The following TBCD variants were observed in gnomAD, a reference collection of about 807,000 sequenced individuals.
TBCD encodes tubulin folding cofactor D.
A neutral mutation model predicts 169.3 loss-of-function variants in TBCD; 105 were observed. That is an observed-to-expected ratio of 0.62 (90% CI 0.53 to 0.73). The LOEUF (loss-of-function observed/expected upper bound fraction) is 0.73, where lower values mean the gene tolerates loss of function less well. Ranked by LOEUF, TBCD falls within the 30% of genes least tolerant of loss-of-function variation. The pLI is 0.00. For missense variants in TBCD, 1,444 were observed against 1,600.1 expected (o/e 0.90, Z 1.66); for synonymous variants, 700 against 643.9 (o/e 1.09, Z -1.32).
intron 1 of TBCD, among the ~76,000 whole-genome samples, chr17:82,755,591 G>T (rs1475196895): frequency 1.3e-5 from 2 of 152,124 alleles, no homozygotes; most frequent in Non-Finnish European, 2.9e-5. Context: ...GAATTCCAAC[G>T]AGAGGAGGGT....
At chr17:82,777,259 A>G (rs1226203704) in intron 6 of TBCD, among the ~76,000 whole-genome samples, 1 of 152,148 alleles carries the variant, frequency 6.6e-6, no homozygotes, top group African/African-American at 2.4e-5. Context: ...CGCCCTTCCC[A>G]GTAGGTAACC....
intron 7 of TBCD, among the ~76,000 whole-genome samples, chr17:82,795,295 T>G (rs1253487923): frequency 6.6e-6 from 1 of 151,984 alleles, no homozygotes; most frequent in Non-Finnish European, 1.5e-5. Flanking sequence ...CCAGGGGACA[T>G]GTTAGCCCGT....
chr17:82,775,488 T>C (rs1021899484), intron 6 of TBCD, among the ~76,000 whole-genome samples: 2 of 152,108 alleles, frequency 1.3e-5, no homozygotes, highest in African/African-American at 2.4e-5. Context: ...AGCATTTGTC[T>C]GCAGTACAGG....
At chr17:82,811,918 A>T (rs886190092) in intron 12 of TBCD, among the ~76,000 whole-genome samples, 1 of 152,114 alleles carries the variant, frequency 6.6e-6, no homozygotes, top group African/African-American at 2.4e-5. Flanking sequence ...AGCACCCAGG[A>T]GGGTTAACTT....
At chr17:82,770,226 G>C (rs1346183072) in intron 5 of TBCD, among the ~76,000 whole-genome samples, 1 of 152,218 alleles carries the variant, frequency 6.6e-6, no homozygotes, top group African/African-American at 2.4e-5. Context: ...TAAGGGAAAA[G>C]GTACTCCATT....
intron 13 of TBCD, among the ~76,000 whole-genome samples, chr17:82,846,014 A>G (rs1163776970): frequency 6.6e-6 from 1 of 152,226 alleles, no homozygotes; most frequent in African/African-American, 2.4e-5. Flanking sequence ...GAGACACAGC[A>G]ACATTCTATC....
At chr17:82,861,958 A>T (rs2145825052) in intron 13 of TBCD, among the ~76,000 whole-genome samples, 1 of 150,688 alleles carries the variant, frequency 6.6e-6, no homozygotes, top group Non-Finnish European at 1.5e-5. Flanking sequence ...GCTGTCGCCC[A>T]GGCTGGAGTG....
chr17:82,779,824 C>A (rs2048829122), intron 6 of TBCD, among the ~76,000 whole-genome samples: 1 of 152,130 alleles, frequency 6.6e-6, no homozygotes, highest in African/African-American at 2.4e-5. Context: ...GCTTCCACGT[C>A]TCACCTTGCC....
In TBCD at chr17:82,763,953, G is replaced by A; in HGVS notation, c.236-12G>A. 1.2e-6 allele frequency: 2 copies of A among 1,610,884 alleles called. No individual in the cohort carries two copies. The highest frequency in any genetic ancestry group is 1.7e-6 in the Non-Finnish European group (2 of 1,177,508). ...CACTTTTACAGTAAATGTTTCCTAT[G>A]TTTTTCCCTAGAATGGATGATGAAC... On this transcript the variant is annotated splice_polypyrimidine_tract_variant and intron_variant, in intron 2 of 38. Transcript: ENST00000355528.
At chr17:82,865,686 T>G (rs546116183) in intron 13 of TBCD, among the ~76,000 whole-genome samples, 1 of 152,384 alleles carries the variant, frequency 6.6e-6, no homozygotes, top group African/African-American at 2.4e-5. Flanking sequence ...TTTTTAAAAT[T>G]AGTAAAACCT....
chr17:82,775,767 G>A (rs2048557666), intron 6 of TBCD, among the ~76,000 whole-genome samples: 1 of 149,750 alleles, frequency 6.7e-6, no homozygotes, highest in South Asian at 2.1e-4. Context: ...GGGAGGGATA[G>A]CATTGGGAGA....
At chr17:82,905,271 C>G (rs572741434) in intron 19 of TBCD, among the ~76,000 whole-genome samples, 2 of 152,362 alleles carry the variant, frequency 1.3e-5, no homozygotes, top group African/African-American at 4.8e-5. Context: ...AGTGTGTCGT[C>G]CTCCTCCATG....
chr17:82,932,679 G>A lies in TBCD; in HGVS notation c.3135G>A (p.Lys1045=). ...LNERVSVPLL[K]TLDHVLTHGC... The stretch of plus-strand genomic sequence containing the variant: ...TCAGGGTGTCCGTGCCGCTGCTGAA[G>A]ACGCTGGACCACGTGCTCACCCACG... Residue 1045 remains lysine (K), a synonymous_variant, in exon 34 of 39, where the codon AAG becomes AAA. Coordinates refer to ENST00000355528, the MANE Select transcript of TBCD (RefSeq NM_005993.5). The A allele has an allele frequency of 6.2e-7, 1 of 1,613,812 alleles. No homozygotes were observed. Among genetic ancestry groups the A allele is most frequent in the African/African-American group, 1.3e-5 (1 of 75,044 alleles).
intron 14 of TBCD, among the ~76,000 whole-genome samples, chr17:82,882,984 G>A (rs1305322595): frequency 6.6e-6 from 1 of 152,014 alleles, no homozygotes; most frequent in Non-Finnish European, 1.5e-5. Flanking sequence ...CCGCCCTACC[G>A]GGCTGGAGCG....
intron 20 of TBCD, 80 bp from the exon 21 acceptor site, chr17:82,907,681 G>T (rs2060346073): frequency 6.6e-7 from 1 of 1,504,130 alleles, no homozygotes; most frequent in African/African-American, 1.4e-5. Flanking sequence ...CTTGGGGAGT[G>T]TGGCCTCAGC....
At chr17:82,836,960 A>C (rs1019594919) in intron 13 of TBCD, among the ~76,000 whole-genome samples, 1 of 152,114 alleles carries the variant, frequency 6.6e-6, no homozygotes, top group Non-Finnish European at 1.5e-5. Flanking sequence ...TTGGAGCTCA[A>C]TTGCTCGAAG....
intron 16 of TBCD, among the ~76,000 whole-genome samples, chr17:82,891,086 C>T (rs956994044): frequency 7.2e-5 from 11 of 152,192 alleles, no homozygotes; most frequent in Non-Finnish European, 1.0e-4. Context: ...GGCCCTGGGG[C>T]GCACTCCGCC....
chr17:82,788,314 T>C (rs1395161330), intron 7 of TBCD, among the ~76,000 whole-genome samples: 1 of 152,142 alleles, frequency 6.6e-6, no homozygotes, highest in African/African-American at 2.4e-5. Flanking sequence ...TGTGCTCTCT[T>C]GGTTTCTAGT....
intron 23 of TBCD, among the ~76,000 whole-genome samples, chr17:82,916,922 C>G (rs1234017784): frequency 6.6e-6 from 1 of 152,058 alleles, no homozygotes. Flanking sequence ...TCTTATTACC[C>G]ACGTCTTGTC....
Sources: gnomAD v4.1 joint callset for allele counts (sites outside exome capture counted in the v4.1 genomes callset) on GRCh38, gnomAD v4.1.1 for gene constraint, MANE v1.5 for transcripts, NCBI Gene and HGNC (gene_info 2026-07-23, HGNC 2026-07-21) for gene names.